The following SLC5A7 variants were observed in gnomAD, a reference collection of about 807,000 sequenced individuals.
The protein encoded by SLC5A7 is high affinity choline transporter 1.
In SLC5A7, 19 loss-of-function variants were observed where a neutral mutation model predicts 55.4. The ratio of observed to expected loss-of-function variants is 0.34; its 90% CI spans 0.24 to 0.50. The LOEUF is 0.50. SLC5A7 is among the 20% of genes least tolerant of loss of function. The probability of loss-of-function intolerance (pLI) is 0.98; values close to 1 mark genes in which losing one functional copy is unlikely to be tolerated. For synonymous variants in SLC5A7, 265 were observed against 263.7 expected (o/e 1.00, Z -0.05); for missense variants, 506 against 705.3 (o/e 0.72, Z 3.20).
chr2:107,992,051 A>T lies in SLC5A7; in HGVS notation c.179-55A>T, dbSNP rs1677472388. 4 of 1,100,504 alleles carry T rather than the reference A, an allele frequency of 3.6e-6. No individual in the cohort carries two copies. In the Admixed American group the frequency reaches 7.4e-5, roughly 20 times the overall value. The allele number at this position is 1,100,504 out of a possible 1,614,324, so 68.2% of individuals were successfully genotyped here. ...TAGTAGCCACTGGTTTGGCAGGCAG[A>T]TGTAGGTATAACAGGTAAGACAGTA... On this transcript the variant is annotated intron_variant, in intron 2 of 8. Coordinates refer to ENST00000264047, the MANE Select transcript of SLC5A7 (RefSeq NM_021815.5).
rs1678404565 is a variant in SLC5A7 at position 108,013,134 on chromosome 2, T to TG, written c.*2277dup. On this transcript the variant is annotated 3_prime_UTR_variant, in exon 9 of 9. Transcript: ENST00000264047. Reference sequence around the variant, plus strand: ...TCCCAACAACCACACTTAAATCCAGTGGGGAAAAAAAGGTTAACAGTAAAA... The same window carrying TG: ...TCCCAACAACCACACTTAAATCCAGTGGGGGAAAAAAAGGTTAACAGTAAAA... 1 of 151,972 alleles carries TG rather than the reference T, an allele frequency of 6.6e-6. No individual in the cohort carries two copies. The highest frequency in any genetic ancestry group is 2.4e-5 in the African/African-American group (1 of 41,372). The allele number at this position is 151,972 out of a possible 1,614,324, so 9.4% of individuals were successfully genotyped here. A position where few individuals can be genotyped will look rare whatever the true frequency, so the allele number is the denominator to read the frequency against.
Position 108,010,395 on chromosome 2 carries a change from T to C in SLC5A7, c.1277T>C (p.Phe426Ser). Residue 426 changes from phenylalanine (F) to serine (S), a missense_variant, in exon 9 of 9, where the codon TTT (phenylalanine) becomes TCT (serine). Phe to Ser is a radical substitution (Grantham distance 155). Coordinates refer to ENST00000264047, the MANE Select transcript of SLC5A7 (RefSeq NM_021815.5). ...TTCCCCCAGCTGCTTTGTGTACTCT[T>C]TGTTAAGGGAACCAACACCTATGGG... ...VIFPQLLCVLFVKGTNTYGAV... is the reference protein window; with the variant it reads ...VIFPQLLCVLSVKGTNTYGAV... 6.2e-7 allele frequency: 1 copy of C among 1,613,958 alleles called. No individual in the cohort carries two copies. Among genetic ancestry groups the C allele is most frequent in the Non-Finnish European group, 8.5e-7 (1 of 1,179,936 alleles).
At chr2:108,004,768 G>A (rs1678039752) in intron 6 of SLC5A7, among the ~76,000 whole-genome samples, 1 of 151,916 alleles carries the variant, frequency 6.6e-6, no homozygotes. Context: ...TCTCTCTCAG[G>A]TACTCTCTTC....
intron 5 of SLC5A7, among the ~76,000 whole-genome samples, chr2:108,001,542 G>A (rs867962686): frequency 1.5e-3 from 230 of 150,154 alleles, no homozygotes; most frequent in South Asian, 3.8e-3. Flanking sequence ...GCGTAGTGGC[G>A]GGCGCCTGTA....
At chr2:107,996,886 C>T (rs1013433211) in intron 4 of SLC5A7, among the ~76,000 whole-genome samples, 7 of 152,120 alleles carry the variant, frequency 4.6e-5, no homozygotes, top group African/African-American at 1.7e-4. Context: ...CTGGTATGTT[C>T]TACCAATTAA....
chr2:108,010,648 A>G lies in SLC5A7; in HGVS notation c.1530A>G (p.Lys510=), dbSNP rs201585285. 1.2e-6 allele frequency: 2 copies of G among 1,613,966 alleles called. No individual in the cohort carries two copies. The highest frequency in any genetic ancestry group is 2.7e-5 in the African/African-American group (2 of 75,032). Residue 510 remains lysine, a synonymous_variant, in exon 9 of 9, where the codon AAA becomes AAG. Transcript: ENST00000264047. ...TTGAAAGTGGAACCTTGCCACCTAAATTAGATGTATTTGATGCTGTTGTTG... is the reference window on the plus strand; with the variant it reads ...TTGAAAGTGGAACCTTGCCACCTAAGTTAGATGTATTTGATGCTGTTGTTG... ...YLFESGTLPP[K]LDVFDAVVAR... is the part of the protein sequence containing the mutation.
chr2:108,009,544 T>C (rs1394621690), intron 8 of SLC5A7, among the ~76,000 whole-genome samples: 1 of 152,108 alleles, frequency 6.6e-6, no homozygotes, highest in Non-Finnish European at 1.5e-5. Flanking sequence ...CTCCCACTTA[T>C]GAGTGAGACC....
chr2:108,003,665 C>T (rs576400677), intron 6 of SLC5A7, among the ~76,000 whole-genome samples: 1 of 152,136 alleles, frequency 6.6e-6, no homozygotes, highest in African/African-American at 2.4e-5. Context: ...CCCATGTTTG[C>T]TCTCTATTAG....
At chr2:108,007,089 T>C (rs569199824) in intron 7 of SLC5A7, among the ~76,000 whole-genome samples, 1 of 152,322 alleles carries the variant, frequency 6.6e-6, no homozygotes, top group East Asian at 1.9e-4. Flanking sequence ...TAATTACTCC[T>C]GACCTTTATG....
Position 107,988,270 on chromosome 2 carries a change from A to T in SLC5A7, c.115A>T (p.Ser39Cys). ...AAACAGTGGCAGCGCAGAAGAGCGCAGCGAAGCCATCATAGTTGGTGGCCG... is the reference window on the plus strand; with the variant it reads ...AAACAGTGGCAGCGCAGAAGAGCGCTGCGAAGCCATCATAGTTGGTGGCCG... ...TKNSGSAEERSEAIIVGGRDI... is the reference protein window; with the variant it reads ...TKNSGSAEERCEAIIVGGRDI... Residue 39 changes from serine to cysteine, a missense_variant, in exon 2 of 9, where the codon AGC (serine) becomes TGC (cysteine). Physicochemically the swap from Ser to Cys is moderately radical, Grantham distance 112. Coordinates refer to ENST00000264047, the MANE Select transcript of SLC5A7 (RefSeq NM_021815.5). 1 of 1,614,196 alleles carries T rather than the reference A, an allele frequency of 6.2e-7. No homozygotes were observed.
intron 8 of SLC5A7, among the ~76,000 whole-genome samples, chr2:108,009,541 T>G (rs562909620): frequency 6.6e-6 from 1 of 152,202 alleles, no homozygotes; most frequent in South Asian, 2.1e-4. Context: ...CAACTCCCAC[T>G]TATGAGTGAG....
chr2:108,000,510 C>T (rs1677842528), intron 5 of SLC5A7, among the ~76,000 whole-genome samples: 1 of 152,022 alleles, frequency 6.6e-6, no homozygotes. Flanking sequence ...ATTTCCCAGG[C>T]TGATATTGAA....
At position 108,010,585 on chromosome 2, in the gene SLC5A7, A is replaced by G. The variant is rs181802200; in HGVS notation, c.1467A>G (p.Leu489=). 2.0e-5 allele frequency: 32 copies of G among 1,613,850 alleles called. No individual in the cohort carries two copies. The East Asian group carries it at 7.1e-4, about 36-fold the overall frequency. The change falls in exon 9 of 9, where the codon TTA becomes TTG. Residue 489 remains leucine, a synonymous_variant. Transcript: ENST00000264047. Reference sequence around the variant, plus strand: ...CACTTGCCATGGTTACATCATTCTTAACCAACATTTGCATCTCCTATCTAG... The same window carrying G: ...CACTTGCCATGGTTACATCATTCTTGACCAACATTTGCATCTCCTATCTAG... ...FKTLAMVTSF[L]TNICISYLAK...
In SLC5A7 at chr2:108,010,739, G is replaced by A. The variant is rs200754655; in HGVS notation, c.1621G>A (p.Glu541Lys). 3 of 1,613,690 alleles carry A rather than the reference G, an allele frequency of 1.9e-6. No homozygotes were observed. Among genetic ancestry groups the A allele is most frequent in the East Asian group, 4.5e-5 (2 of 44,858 alleles). The change falls in exon 9 of 9, where the codon GAA becomes AAA. Residue 541 changes from glutamate to lysine, a missense_variant. Glu to Lys is a moderately conservative substitution (Grantham distance 56). Transcript: ENST00000264047. ...CAAAAATGAAAATATTAAATTAGAT[G>A]AACTTGCACTTGTGAAGCCACGACA... ...LVKNENIKLD[E>K]LALVKPRQSM...
intron 4 of SLC5A7, among the ~76,000 whole-genome samples, chr2:107,994,043 C>A (rs1677559542): frequency 6.6e-6 from 1 of 152,198 alleles, no homozygotes; most frequent in Non-Finnish European, 1.5e-5. Context: ...GTCTCCTCGA[C>A]TCCAATCTAC....
intron 4 of SLC5A7, 106 bp downstream of exon 4, chr2:107,993,233 A>C: frequency 8.2e-7 from 1 of 1,221,262 alleles, no homozygotes; most frequent in Non-Finnish European, 1.1e-6. Flanking sequence ...TTTTATTAAA[A>C]CCATATGCTG....
chr2:107,987,112 C>G (rs1266346625), intron 1 of SLC5A7, among the ~76,000 whole-genome samples: 1 of 152,030 alleles, frequency 6.6e-6, no homozygotes, highest in Non-Finnish European at 1.5e-5. Flanking sequence ...TGATTCTTTC[C>G]CCCAACGTCT....
In SLC5A7 at chr2:107,992,994, T is replaced by C; in HGVS notation, c.315T>C (p.Pro105=). Residue 105 remains proline, a synonymous_variant, in exon 4 of 9, where the codon CCT becomes CCC. Coordinates refer to ENST00000264047, the MANE Select transcript of SLC5A7 (RefSeq NM_021815.5). ...TAGGTGGCCTGTTCTTTGCAAAACC[T>C]ATGCGTTCAAAGGGGTATGTGACCA... ...LILGGLFFAK[P]MRSKGYVTML... 1 of 1,614,220 alleles carries C rather than the reference T, an allele frequency of 6.2e-7. No homozygotes were observed. Among genetic ancestry groups the C allele is most frequent in the South Asian group, 1.1e-5 (1 of 91,082 alleles).
chr2:108,012,232 C>A lies in SLC5A7; in HGVS notation c.*1371C>A, dbSNP rs1558874608. ...GTGTCCATTTCAAGTGTTTTCACAC[C>A]AGTCACACATTATAGAAATTACTGG... On this transcript the variant is annotated 3_prime_UTR_variant, in exon 9 of 9. Coordinates refer to ENST00000264047, the MANE Select transcript of SLC5A7 (RefSeq NM_021815.5). The A allele has an allele frequency of 6.6e-6, 1 of 151,846 alleles. No individual in the cohort carries two copies. The highest frequency in any genetic ancestry group is 1.5e-5 in the Non-Finnish European group (1 of 67,952). The allele number at this position is 151,846 out of a possible 1,614,324, so 9.4% of individuals were successfully genotyped here. A position where few individuals can be genotyped will look rare whatever the true frequency, so the allele number is the denominator to read the frequency against.
Sources: gnomAD v4.1 joint callset for allele counts (sites outside exome capture counted in the v4.1 genomes callset) on GRCh38, gnomAD v4.1.1 for gene constraint, MANE v1.5 for transcripts, NCBI Gene and HGNC (gene_info 2026-07-23, HGNC 2026-07-21) for gene names.